Variants in PDZRN3 observed in about 807,000 individuals in gnomAD.
PDZRN3 encodes E3 ubiquitin-protein ligase PDZRN3.
Under a neutral mutation model 85.7 loss-of-function variants are expected in PDZRN3, and 38 were observed. The observed-to-expected ratio is 0.44, with a 90% confidence interval of 0.34 to 0.58. The LOEUF is 0.58. Among genes scored for constraint, PDZRN3 ranks in the 20% least tolerant of loss-of-function variants. The pLI, the probability that PDZRN3 is intolerant of heterozygous loss-of-function variation, is 0.01. For synonymous variants in PDZRN3, 759 were observed against 638.0 expected, an observed-to-expected ratio of 1.19 and a Z score of -2.86; for missense variants, 1,629 against 1,506.4, an observed-to-expected ratio of 1.08 and a Z score of -1.35.
chr3:73,606,452 G>A (rs566987945), intron 2 of PDZRN3, among the ~76,000 whole-genome samples: 13 of 152,260 alleles, frequency 8.5e-5, no homozygotes, highest in Admixed American at 6.5e-4. Flanking sequence ...CAGTCCCTCC[G>A]AAGGCTGGAG....
intron 3 of PDZRN3, among the ~76,000 whole-genome samples, chr3:73,571,069 TAA>T (rs2106851117): frequency 6.6e-6 from 1 of 152,336 alleles, no homozygotes; most frequent in South Asian, 2.1e-4. Flanking sequence ...GTGTATGGAC[TAA>T]GTTTTTGACG....
rs897093588 is a variant in PDZRN3, at chr3:73,555,668, T to C, written c.918+46686A>G. Among the ~76,000 whole-genome samples, 3 of 151,970 alleles carry C rather than the reference T, an allele frequency of 2.0e-5. No individual in the cohort carries two copies. The South Asian group carries it at 6.2e-4, about 32-fold the overall frequency. ...TTGGGGAGGTAACACTGACAGAAAA[T>C]ATACCCAGTGAATTTAACAGCAGGA... On this transcript the variant is annotated intron_variant, in intron 3 of 9. Coordinates refer to ENST00000263666, the MANE Select transcript of PDZRN3 (RefSeq NM_015009.3).
At chr3:73,558,269 T>C (rs751985556) in intron 3 of PDZRN3, among the ~76,000 whole-genome samples, 3 of 151,198 alleles carry the variant, frequency 2.0e-5, no homozygotes, top group Non-Finnish European at 2.9e-5. Context: ...AGCAGGGAGA[T>C]AATTTAAAAA....
intron 3 of PDZRN3, among the ~76,000 whole-genome samples, chr3:73,424,738 T>C (rs1702277626): frequency 6.6e-6 from 1 of 151,974 alleles, no homozygotes; most frequent in Non-Finnish European, 1.5e-5. Context: ...GCAGGCACTT[T>C]ACACACAAGG....
intron 2 of PDZRN3, among the ~76,000 whole-genome samples, chr3:73,604,375 C>CT (rs1702563064): frequency 6.6e-6 from 1 of 152,148 alleles, no homozygotes; most frequent in African/African-American, 2.4e-5. Flanking sequence ...GTGGTAAGTA[C>CT]TATTATTACC....
intron 3 of PDZRN3, among the ~76,000 whole-genome samples, chr3:73,546,094 T>C (rs1275569047): frequency 1.1e-4 from 17 of 152,166 alleles, no homozygotes; most frequent in Non-Finnish European, 1.5e-5. Flanking sequence ...GTCCGCAGTA[T>C]ACAGAATAAG....
intron 3 of PDZRN3, among the ~76,000 whole-genome samples, chr3:73,467,435 T>G (rs548331204): frequency 2.6e-5 from 4 of 152,340 alleles, no homozygotes; most frequent in African/African-American, 9.6e-5. Context: ...GTGTTCCTGT[T>G]CATTTCTTCT....
chr3:73,542,707 G>A (rs1051228934), intron 3 of PDZRN3, among the ~76,000 whole-genome samples: 1 of 152,066 alleles, frequency 6.6e-6, no homozygotes, highest in African/African-American at 2.4e-5. Context: ...CCGGGAGGTG[G>A]AGGTTGCAGT....
Position 73,384,381 on chromosome 3 carries a change from A to G in PDZRN3, c.2185T>C (p.Tyr729His), listed in dbSNP as rs145486159. ...WMLHNSGFRN[Y>H]NTSIDVRRHE... ...CTGCGCACGTCGATGCTGGTGTTGT[A>G]GTTGCGGAAGCCGCTGTTGTGCAGC... Residue 729 changes from tyrosine (Y) to histidine (H), a missense_variant, in exon 10 of 10, where the codon TAC (tyrosine) becomes CAC (histidine). Coordinates refer to ENST00000263666, the MANE Select transcript of PDZRN3 (RefSeq NM_015009.3). The G allele has an allele frequency of 4.4e-6, 7 of 1,609,100 alleles. No homozygotes were observed. In the African/African-American group the frequency reaches 8.0e-5, roughly 18 times the overall value.
At chr3:73,392,199 G>A (rs936438753) in intron 5 of PDZRN3, among the ~76,000 whole-genome samples, 6 of 152,378 alleles carry the variant, frequency 3.9e-5, no homozygotes, top group Non-Finnish European at 8.8e-5. Flanking sequence ...AAAGCCCTAG[G>A]CCAGCATGGC....
In PDZRN3 at chr3:73,579,435, A is replaced by T. The variant is rs1366726355; in HGVS notation, c.918+22919T>A. Among the ~76,000 whole-genome samples, 5 of 152,356 alleles carry T rather than the reference A, an allele frequency of 3.3e-5. No homozygotes were observed. In the East Asian group the frequency reaches 5.8e-4, roughly 18 times the overall value. ...CTACTGCTAGATAATCATAAAGAGT[A>T]ATCAATTTGAGTTACCAGTTATTTA... On this transcript the variant is annotated intron_variant, in intron 3 of 9. Transcript: ENST00000263666.
intron 3 of PDZRN3, among the ~76,000 whole-genome samples, chr3:73,572,385 A>G (rs901431570): frequency 7.2e-5 from 11 of 152,220 alleles, no homozygotes; most frequent in African/African-American, 2.7e-4. Flanking sequence ...CTATTCCAGT[A>G]TACTCTAAGT....
At position 73,431,722 on chromosome 3, in the gene PDZRN3, G is replaced by C. The variant is rs181162373; in HGVS notation, c.919-27327C>G. ...CATGGCTTCCTAAATTGCTGACCAA[G>C]TATATTCCAGATGGAAGTCATTTAT... On this transcript the variant is annotated intron_variant, in intron 3 of 9. Coordinates refer to ENST00000263666, the MANE Select transcript of PDZRN3 (RefSeq NM_015009.3). Among the ~76,000 whole-genome samples the C allele has an allele frequency of 2.6e-5, 4 of 152,296 alleles. No homozygotes were observed. The East Asian group carries it at 5.8e-4, about 22-fold the overall frequency.
intron 1 of PDZRN3, 28 bp from the exon 2 acceptor site, chr3:73,608,712 T>C (rs1559756654): frequency 7.1e-7 from 1 of 1,408,420 alleles, no homozygotes; most frequent in South Asian, 1.2e-5. Context: ...GATCAAACTT[T>C]TATTTACCAA....
chr3:73,469,440 C>T (rs765849449), intron 3 of PDZRN3, among the ~76,000 whole-genome samples: 9 of 152,126 alleles, frequency 5.9e-5, no homozygotes, highest in Non-Finnish European at 1.3e-4. Flanking sequence ...CATTATTTGG[C>T]GTCAGGTGAC....
intron 3 of PDZRN3, among the ~76,000 whole-genome samples, chr3:73,563,720 G>A (rs1701885649): frequency 6.6e-6 from 1 of 152,080 alleles, no homozygotes; most frequent in Non-Finnish European, 1.5e-5. Flanking sequence ...TTACTATTGA[G>A]TCCTTAATAG....
intron 3 of PDZRN3, among the ~76,000 whole-genome samples, chr3:73,526,092 T>C (rs928648427): frequency 2.0e-4 from 31 of 152,140 alleles, no homozygotes; most frequent in African/African-American, 7.0e-4. Context: ...CTCTGGGCGG[T>C]AGTTTCTTCA....
chr3:73,513,469 A>G (rs1377611883), intron 3 of PDZRN3, among the ~76,000 whole-genome samples: 1 of 152,218 alleles, frequency 6.6e-6, no homozygotes, highest in African/African-American at 2.4e-5. Context: ...GCTCAGCCCT[A>G]GGTTAATGAT....
intron 3 of PDZRN3, among the ~76,000 whole-genome samples, chr3:73,526,042 C>T (rs2106741560): frequency 6.6e-6 from 1 of 152,304 alleles, no homozygotes; most frequent in East Asian, 1.9e-4. Flanking sequence ...CTCAGCTCTG[C>T]TGTGCACGGA....
Sources: gnomAD v4.1 joint callset for allele counts (sites outside exome capture counted in the v4.1 genomes callset) on GRCh38, gnomAD v4.1.1 for gene constraint, MANE v1.5 for transcripts, NCBI Gene and HGNC (gene_info 2026-07-23, HGNC 2026-07-21) for gene names.